Variants in BRD8 observed in about 807,000 individuals in gnomAD.
The protein encoded by BRD8 is bromodomain-containing protein 8.
Under a neutral mutation model 143.1 loss-of-function variants are expected in BRD8, and 67 were observed. The observed-to-expected ratio is 0.47, with a 90% CI of 0.38 to 0.57. BRD8 has a LOEUF of 0.57. Ranked by LOEUF, BRD8 falls within the 20% of genes least tolerant of loss-of-function variation. The pLI is 0.00. For missense variants in BRD8, 1,103 were observed against 1,503.0 expected, an observed-to-expected ratio of 0.73 and a Z score of 4.40; for synonymous variants, 505 against 517.1, an observed-to-expected ratio of 0.98 and a Z score of 0.32.
rs756090037 is a variant in BRD8 at position 138,177,683 on chromosome 5, A to AAG, written c.20-17_20-16insCT. The stretch of plus-strand genomic sequence containing the variant: ...AGCTTGTGTTCTGGGAAAGGGAGAA[A>AAG]AAAAAAAAAGCCTTGGAAACAACCA... On this transcript the variant is annotated splice_polypyrimidine_tract_variant and intron_variant, in intron 1 of 26. Transcript: ENST00000254900. The AAG allele has an allele frequency of 6.6e-7, 1 of 1,517,820 alleles. No individual in the cohort carries two copies. The highest frequency in any genetic ancestry group is 1.9e-5 in the Admixed American group (1 of 52,086). 94.0% of individuals were successfully genotyped at this position (1,517,820 alleles called of 1,614,324 possible). A position where few individuals can be genotyped will look rare whatever the true frequency, so the allele number is the denominator to read the frequency against.
intron 8 of BRD8, chr5:138,168,535 G>T: frequency 6.2e-7 from 1 of 1,609,902 alleles, no homozygotes; most frequent in Non-Finnish European, 8.5e-7. Context: ...GGGGAGGGGG[G>T]TGGAGTTGCT....
Position 138,170,388 on chromosome 5 carries a change from C to T in BRD8, c.462G>A (p.Glu154=). Residue 154 remains glutamate, a synonymous_variant, in exon 7 of 27, where the codon GAG becomes GAA. Coordinates refer to ENST00000254900, the MANE Select transcript of BRD8 (RefSeq NM_139199.2). ...TAGCCTTCCTCTTTACTTCAGCCTC[C>T]TCTTCTTCCAATTTCTTTTTCCTAA... ...DIATKKKLEE[E]EAEVKRKATD... 2 of 1,614,118 alleles carry T rather than the reference C, an allele frequency of 1.2e-6. No individual in the cohort carries two copies. The highest frequency in any genetic ancestry group is 1.3e-5 in the African/African-American group (1 of 75,040).
At chr5:138,163,393 C>A in intron 14 of BRD8, 49 bp from the exon 15 acceptor site, 1 of 1,588,744 alleles carries the variant, frequency 6.3e-7, no homozygotes. Flanking sequence ...AGCTATCCAG[C>A]AAAGCATCAT....
chr5:138,162,451 C>G (rs1467724197), intron 15 of BRD8, among the ~76,000 whole-genome samples: 2 of 152,016 alleles, frequency 1.3e-5, no homozygotes, highest in Non-Finnish European at 2.9e-5. Flanking sequence ...CTGCCTTAGC[C>G]TCCCAAAGTG....
chr5:138,143,785 G>T (rs1462315506), intron 25 of BRD8, among the ~76,000 whole-genome samples: 2 of 152,154 alleles, frequency 1.3e-5, no homozygotes, highest in African/African-American at 4.8e-5. Context: ...AAAAAGGTTT[G>T]TAAACGCACC....
intron 2 of BRD8, among the ~76,000 whole-genome samples, chr5:138,176,264 T>G (rs575013813): frequency 6.6e-6 from 1 of 152,052 alleles, no homozygotes; most frequent in African/African-American, 2.4e-5. Context: ...ATCATTCCAT[T>G]TGTATGAAAT....
rs1340319453 is a variant in BRD8 at position 138,140,713 on chromosome 5, G to C, written c.3607C>G (p.Gln1203Glu). 6.2e-7 allele frequency: 1 copy of C among 1,613,796 alleles called. No homozygotes were observed. The highest frequency in any genetic ancestry group is 8.5e-7 in the Non-Finnish European group (1 of 1,179,834). ...AVEMRQEVLE[Q>E]IQVLNIWLDK... is the part of the protein sequence containing the mutation. ...GTATCTGCATACAGTACCTGAATCT[G>C]CTCCAGGACTTCTTGCCGCATCTCC... Residue 1203 changes from glutamine to glutamate, a missense_variant, in exon 26 of 27, where the codon CAG (glutamine) becomes GAG (glutamate). By Grantham distance (29) the Gln-to-Glu change is conservative. This residue lies in a region of BRD8 where 369 missense variants were observed against 445.5 expected (regional missense o/e 0.83). Coordinates refer to ENST00000254900, the MANE Select transcript of BRD8 (RefSeq NM_139199.2).
intron 20 of BRD8, among the ~76,000 whole-genome samples, chr5:138,153,972 G>A (rs138731720): frequency 2.6e-5 from 4 of 151,488 alleles, no homozygotes; most frequent in African/African-American, 4.8e-5. Context: ...CACCACACCC[G>A]ACCCCATCAC....
chr5:138,159,409 AAG>A, intron 20 of BRD8, 144 bp downstream of exon 20: 1 of 837,788 alleles, frequency 1.2e-6, no homozygotes, highest in Non-Finnish European at 1.9e-6. Context: ...TGCAGAAGAA[AAG>A]AGTTTCTTAT....
intron 18 of BRD8, among the ~76,000 whole-genome samples, chr5:138,160,471 G>A (rs1280107929): frequency 6.6e-6 from 1 of 152,066 alleles, no homozygotes; most frequent in Admixed American, 6.6e-5. Flanking sequence ...TAAGTAATTT[G>A]ACAAATCGTG....
chr5:138,175,912 CAAAAAAAAA>C (rs59338837), intron 2 of BRD8, among the ~76,000 whole-genome samples: 2 of 18,592 alleles, frequency 1.1e-4, no homozygotes, highest in African/African-American at 4.7e-4. Flanking sequence ...ACCCTGTCTG[CAAAAAAAAA>C]AAAAAAAAAA....
chr5:138,161,126 T>C, intron 17 of BRD8, 58 bp from the exon 18 acceptor site: 1 of 1,364,994 alleles, frequency 7.3e-7, no homozygotes, highest in East Asian at 2.4e-5. Flanking sequence ...CGCACCTAGA[T>C]CTATGAATAC....
chr5:138,159,664 CCTCAGGACAGAGACA>C, intron 19 of BRD8, 65 bp from the exon 20 acceptor site: 1 of 1,512,534 alleles, frequency 6.6e-7, no homozygotes, highest in Non-Finnish European at 9.2e-7. Flanking sequence ...GCACCCCAAA[CCTCAGGACAGAGACA>C]CAAGCACCAC....
chr5:138,166,083 G>T lies in BRD8; in HGVS notation c.1023C>A (p.Pro341=). 1 of 1,613,540 alleles carries T rather than the reference G, an allele frequency of 6.2e-7. No individual in the cohort carries two copies. Among genetic ancestry groups the T allele is most frequent in the Non-Finnish European group, 8.5e-7 (1 of 1,179,828 alleles). Residue 341 remains proline, a synonymous_variant, in exon 11 of 27, where the codon CCC becomes CCA. Transcript: ENST00000254900. ...APVSQPDNCV[P]MEAVGDPHTV... ...TATGTGGATCCCCCACAGCCTCCAT[G>T]GGAACACAGTTGTCGGGTTGACTCA...
At position 138,166,614 on chromosome 5, in the gene BRD8, C is replaced by T. The variant is rs200205910; in HGVS notation, c.901G>A (p.Val301Ile). 5.0e-6 allele frequency: 8 copies of T among 1,613,322 alleles called. No individual in the cohort carries two copies. The highest frequency in any genetic ancestry group is 6.8e-6 in the Non-Finnish European group (8 of 1,179,498). ...EPPVKLVPPP[V>I]ESVSQATIVM... ...ATGGTAGCTTGGGACACAGACTCTA[C>T]AGGGGGTGGCACAAGTTTAACTGGA... Residue 301 changes from valine to isoleucine, a missense_variant, in exon 10 of 27, where the codon GTA (valine) becomes ATA (isoleucine). By Grantham distance (29) the Val-to-Ile change is conservative. Coordinates refer to ENST00000254900, the MANE Select transcript of BRD8 (RefSeq NM_139199.2).
At position 138,149,634 on chromosome 5, in the gene BRD8, G is replaced by A. The variant is rs375271644; in HGVS notation, c.3278+6C>T. The A allele has an allele frequency of 3.8e-5, 60 of 1,589,236 alleles. 1 individual carries two copies. The Middle Eastern group carries it at 8.6e-4, about 23-fold the overall frequency. On this transcript the variant is annotated splice_donor_region_variant and intron_variant, in intron 23 of 26. Transcript: ENST00000254900. The stretch of plus-strand genomic sequence containing the variant: ...TTAACAAACTTGGATGAAAGTCTAC[G>A]CTTACAGCTTTGAGGAGGTAGCATG...
At chr5:138,175,203 C>G (rs1754223986) in intron 2 of BRD8, among the ~76,000 whole-genome samples, 1 of 152,024 alleles carries the variant, frequency 6.6e-6, no homozygotes, top group Non-Finnish European at 1.5e-5. Context: ...AGTTTTTAAC[C>G]CATTTCTTTG....
chr5:138,161,878 A>G lies in BRD8; in HGVS notation c.2181-14T>C, dbSNP rs756840684. ...ACATTGGCATACCTGTCCAAAAGGA[A>G]TAAGGTGCAATTACTGACATTCTCC... is the stretch of plus-strand genomic sequence containing the variant. On this transcript the variant is annotated splice_polypyrimidine_tract_variant and intron_variant, in intron 16 of 26. Transcript: ENST00000254900. The G allele has an allele frequency of 1.2e-5, 20 of 1,613,812 alleles. No homozygotes were observed. The highest frequency in any genetic ancestry group is 2.2e-5 in the East Asian group (1 of 44,876).
chr5:138,148,677 T>C (rs1235604849), intron 23 of BRD8, among the ~76,000 whole-genome samples: 1 of 152,084 alleles, frequency 6.6e-6, no homozygotes, highest in Non-Finnish European at 1.5e-5. Context: ...CCTAATTTTT[T>C]CTTTAAAAAA....
Sources: gnomAD v4.1 joint callset for allele counts (sites outside exome capture counted in the v4.1 genomes callset) on GRCh38, gnomAD v4.1.1 for gene constraint, gnomAD v4.1.1 regional missense constraint, MANE v1.5 for transcripts, NCBI Gene and HGNC (gene_info 2026-07-23, HGNC 2026-07-21) for gene names.